PTPRZ1: variants seen among roughly 807,000 people sequenced by gnomAD.
The protein encoded by PTPRZ1 is protein tyrosine phosphatase receptor type Z1, also known as receptor-type tyrosine-protein phosphatase zeta.
In PTPRZ1, 82 loss-of-function variants were observed where a neutral mutation model predicts 214.1. The observed-to-expected ratio is 0.38, with a 90% confidence interval of 0.32 to 0.46. The LOEUF (loss-of-function observed/expected upper bound fraction) is 0.46, where lower values mean the gene tolerates loss of function less well. Ranked by LOEUF, PTPRZ1 falls within the 20% of genes least tolerant of loss-of-function variation. The probability of loss-of-function intolerance (pLI) is 1.00; values close to 1 mark genes in which losing one functional copy is unlikely to be tolerated. For missense variants in PTPRZ1, 2,603 were observed against 2,748.7 expected, an observed-to-expected ratio of 0.95 and a Z score of 1.19; for synonymous variants, 945 against 987.9, an observed-to-expected ratio of 0.96 and a Z score of 0.81.
Position 122,040,952 on chromosome 7 carries a change from C to CA in PTPRZ1, c.5775dup (p.Val1926SerfsTer54), listed in dbSNP as rs1799710625. On this transcript the variant is annotated frameshift_variant, in exon 21 of 30. Transcript: ENST00000393386. LOFTEE classifies it high-confidence loss of function. ...AAGGCAGCCTATGCCAAGCGCCATG[C>CA]AGTGGGGCCTGTTGTCGTCCACTGC... 6.3e-7 allele frequency: 1 copy of CA among 1,581,696 alleles called. No homozygotes were observed. The highest frequency in any genetic ancestry group is 8.6e-7 in the Non-Finnish European group (1 of 1,157,130).
Position 121,934,685 on chromosome 7 carries a change from G to A in PTPRZ1, c.124+6464G>A, listed in dbSNP as rs141465815. ...GTCTTAACTTGATCCCAAACAGATT[G>A]AACAAGCCTGGGCCCATCCGATAAT... On this transcript the variant is annotated intron_variant, in intron 2 of 29. Transcript: ENST00000393386. 2.4e-3 allele frequency among the ~76,000 whole-genome samples: 364 copies of A among 152,228 alleles called. 3 individuals carry two copies. The highest frequency in any genetic ancestry group is 8.5e-3 in the African/African-American group (352 of 41,542).
chr7:121,965,345 G>A (rs926999847), intron 2 of PTPRZ1, among the ~76,000 whole-genome samples: 8 of 127,808 alleles, frequency 6.3e-5, no homozygotes, highest in East Asian at 2.2e-4. Flanking sequence ...CCTGATTTTT[G>A]TTGTTGTGGT....
chr7:121,897,337 T>C (rs1794815478), intron 1 of PTPRZ1, among the ~76,000 whole-genome samples: 2 of 152,140 alleles, frequency 1.3e-5, no homozygotes, highest in Admixed American at 6.5e-5. Flanking sequence ...TTGACATAGA[T>C]TTAGCGTACA....
chr7:121,990,512 C>CTTTTTT (rs758696565), intron 8 of PTPRZ1, among the ~76,000 whole-genome samples: 1 of 73,472 alleles, frequency 1.4e-5, no homozygotes, highest in Non-Finnish European at 2.5e-5. Flanking sequence ...TGAAAACTGT[C>CTTTTTT]TTTTTTTTTT....
At chr7:121,981,778 G>A (rs1797621899) in intron 6 of PTPRZ1, among the ~76,000 whole-genome samples, 1 of 151,712 alleles carries the variant, frequency 6.6e-6, no homozygotes, top group Non-Finnish European at 1.5e-5. Flanking sequence ...ATTGGTGTGT[G>A]TGTGTGTGTG....
chr7:121,921,209 A>C (rs1219207580), intron 1 of PTPRZ1, among the ~76,000 whole-genome samples: 1 of 152,178 alleles, frequency 6.6e-6, no homozygotes, highest in Non-Finnish European at 1.5e-5. Context: ...ATCTAAGTAT[A>C]GGAAAATATA....
chr7:121,981,610 T>C (rs1013669533), intron 6 of PTPRZ1, among the ~76,000 whole-genome samples: 1 of 152,242 alleles, frequency 6.6e-6, no homozygotes. Context: ...GTAAGTGCTA[T>C]TGGACAGATA....
At chr7:121,978,974 G>A (rs1584705314) in intron 6 of PTPRZ1, among the ~76,000 whole-genome samples, 1 of 151,992 alleles carries the variant, frequency 6.6e-6, no homozygotes, top group Non-Finnish European at 1.5e-5. Context: ...TGGCAACCTT[G>A]AGGATCAAAG....
chr7:121,935,669 G>C (rs957107729), intron 2 of PTPRZ1, among the ~76,000 whole-genome samples: 1 of 152,090 alleles, frequency 6.6e-6, no homozygotes, highest in African/African-American at 2.4e-5. Flanking sequence ...CCAGGTTCAA[G>C]TGATTCTCCT....
In PTPRZ1 at chr7:122,028,552, G is replaced by C. The variant is rs1295985744; in HGVS notation, c.4989G>C (p.Arg1663Ser). Residue 1663 changes from arginine to serine, a missense_variant and splice_region_variant, in exon 14 of 30, where the codon AGG (arginine) becomes AGC (serine). Physicochemically the swap from Arg to Ser is moderately radical, Grantham distance 110. Transcript: ENST00000393386. ...VVLVGILIYW[R>S]KCFQTAHFYL... The stretch of plus-strand genomic sequence containing the variant: ...ATAAATTGTGTTCTTTTATTTCCAG[G>C]AAATGCTTCCAGACTGCACACTTTT... 6.5e-7 allele frequency: 1 copy of C among 1,529,610 alleles called. No homozygotes were observed. The highest frequency in any genetic ancestry group is 1.7e-5 in the Admixed American group (1 of 59,628). 94.8% of individuals were successfully genotyped at this position (1,529,610 alleles called of 1,614,324 possible).
intron 23 of PTPRZ1, 145 bp downstream of exon 23, chr7:122,044,713 C>G (rs1584773466): frequency 1.2e-6 from 1 of 801,616 alleles, no homozygotes; most frequent in Non-Finnish European, 1.9e-6. Flanking sequence ...TTACTGTGGG[C>G]TACAGTGCCA....
chr7:121,900,740 C>A (rs1368051024), intron 1 of PTPRZ1, among the ~76,000 whole-genome samples: 2 of 152,116 alleles, frequency 1.3e-5, no homozygotes, highest in Non-Finnish European at 2.9e-5. Context: ...GTACCTGAAG[C>A]CAGAATATGT....
chr7:121,898,226 GAGA>G (rs956832432), intron 1 of PTPRZ1, among the ~76,000 whole-genome samples: 3 of 150,684 alleles, frequency 2.0e-5, no homozygotes, highest in African/African-American at 4.9e-5. Context: ...ATTCACTTCA[GAGA>G]AGATTTCTTT....
chr7:121,971,541 T>G (rs1019460363), intron 3 of PTPRZ1, among the ~76,000 whole-genome samples: 3 of 152,152 alleles, frequency 2.0e-5, no homozygotes, highest in Non-Finnish European at 4.4e-5. Context: ...GAAATGACAG[T>G]GGGGAACCTT....
chr7:122,053,875 C>T (rs1358956448), intron 25 of PTPRZ1, 35 bp from the exon 26 acceptor site: 10 of 1,609,182 alleles, frequency 6.2e-6, no homozygotes, highest in Non-Finnish European at 8.5e-6. Context: ...AAGGCATACG[C>T]CAGTGCTGTT....
At chr7:122,028,015 T>C (rs1005578484) in intron 13 of PTPRZ1, among the ~76,000 whole-genome samples, 1 of 152,188 alleles carries the variant, frequency 6.6e-6, no homozygotes, top group Admixed American at 6.5e-5. Flanking sequence ...TCTACGTAGT[T>C]CATAGTTCAT....
chr7:121,938,641 A>C (rs1167689581), intron 2 of PTPRZ1, among the ~76,000 whole-genome samples: 1 of 152,080 alleles, frequency 6.6e-6, no homozygotes, highest in Non-Finnish European at 1.5e-5. Flanking sequence ...AAAGCTGACA[A>C]AGGGCCTATC....
intron 8 of PTPRZ1, among the ~76,000 whole-genome samples, chr7:121,995,396 G>GGCCCATGAA (rs1331379386): frequency 1.3e-5 from 2 of 152,038 alleles, no homozygotes; most frequent in Non-Finnish European, 2.9e-5. Flanking sequence ...TTGCAAATCT[G>GGCCCATGAA]GCCCATGAAG....
At position 122,031,518 on chromosome 7, in the gene PTPRZ1, G is replaced by T. The variant is rs558904195; in HGVS notation, c.5125G>T (p.Ala1709Ser). 62 of 1,611,122 alleles carry T rather than the reference G, an allele frequency of 3.8e-5. No individual in the cohort carries two copies. The South Asian group carries it at 6.3e-4, about 16-fold the overall frequency. ...AATAAAGCACTTTCCAAAGCATGTT[G>T]CAGATTTACATGCAAGTAGTGGGTT... ...IPIKHFPKHV[A>S]DLHASSGFTE... Residue 1709 changes from alanine (A) to serine (S), a missense_variant, in exon 15 of 30, where the codon GCA becomes TCA. Physicochemically the swap from Ala to Ser is moderately conservative, Grantham distance 99. Transcript: ENST00000393386.
Sources: allele counts gnomAD v4.1 joint callset (sites outside exome capture counted in the v4.1 genomes callset), GRCh38; gene constraint gnomAD v4.1.1; transcripts MANE v1.5; gene names NCBI Gene and HGNC (gene_info 2026-07-23, HGNC 2026-07-21).